Variants in IL18RAP observed in about 807,000 individuals in gnomAD.
IL18RAP encodes interleukin-18 receptor accessory protein.
Under a neutral mutation model 58.1 loss-of-function variants are expected in IL18RAP, and 37 were observed. The ratio of observed to expected loss-of-function variants is 0.64; its 90% CI spans 0.49 to 0.84. The LOEUF is 0.84. Ranked by LOEUF, IL18RAP falls within the 40% of genes least tolerant of loss-of-function variation. The probability of loss-of-function intolerance (pLI) is 0.00; values close to 1 mark genes in which losing one functional copy is unlikely to be tolerated. For missense variants in IL18RAP, 667 were observed against 704.8 expected, an observed-to-expected ratio of 0.95 and a Z score of 0.61; for synonymous variants, 268 against 257.5, an observed-to-expected ratio of 1.04 and a Z score of -0.39.
chr2:102,424,023 G>C lies in IL18RAP; in HGVS notation c.283G>C (p.Glu95Gln), dbSNP rs1182425718. ...ACAACCTTCGAATGGAGATCCATTA[G>C]AGGACATTAGGAAAAGCTATCCTCA... ...YQQPSNGDPL[E>Q]DIRKSYPHII... The change falls in exon 2 of 10, where the codon GAG becomes CAG. Residue 95 changes from glutamate (E) to glutamine (Q), a missense_variant. Glu to Gln is a conservative substitution (Grantham distance 29). Transcript: ENST00000687160. The C allele has an allele frequency of 1.2e-6, 2 of 1,613,974 alleles. No individual in the cohort carries two copies. The highest frequency in any genetic ancestry group is 2.2e-5 in the South Asian group (2 of 91,090).
upstream of IL18RAP, among the ~76,000 whole-genome samples, chr2:102,421,656 C>T (rs527532913): frequency 5.3e-5 from 8 of 152,274 alleles, no homozygotes; most frequent in East Asian, 1.4e-3. Flanking sequence ...AACACCTATC[C>T]GTGGCATTCT....
intron 3 of IL18RAP, among the ~76,000 whole-genome samples, chr2:102,430,719 A>G (rs1031121390): frequency 6.6e-6 from 1 of 152,034 alleles, no homozygotes; most frequent in African/African-American, 2.4e-5. Flanking sequence ...TGCCACTACT[A>G]CACGTTTTTG....
upstream of IL18RAP, among the ~76,000 whole-genome samples, chr2:102,420,901 A>AT (rs1681535075): frequency 6.6e-6 from 1 of 152,104 alleles, no homozygotes; most frequent in Non-Finnish European, 1.5e-5. Context: ...AGTGTTTATC[A>AT]TTTTTTCAGA....
intron 3 of IL18RAP, among the ~76,000 whole-genome samples, chr2:102,430,377 C>T (rs1286726385): frequency 1.3e-5 from 2 of 151,628 alleles, no homozygotes; most frequent in African/African-American, 4.8e-5. Context: ...TAGAGCTATC[C>T]CTGCTCTCTC....
At chr2:102,421,866 C>T (rs1262311611), upstream of IL18RAP, among the ~76,000 whole-genome samples, 2 of 152,152 alleles carry the variant, frequency 1.3e-5, no homozygotes, top group African/African-American at 2.4e-5. Flanking sequence ...CAAGATTAAT[C>T]TCCCCATGGT....
At chr2:102,441,891 GA>G (rs34195808) in intron 5 of IL18RAP, among the ~76,000 whole-genome samples, 78,432 of 149,864 alleles carry the variant, frequency 0.52, 21,337 homozygotes, top group African/African-American at 0.61. Flanking sequence ...CCATCTCAAA[GA>G]AAAAAAAAAA....
At position 102,452,381 on chromosome 2, in the gene IL18RAP, G is replaced by A. The variant is rs569047220; in HGVS notation, c.*200G>A. On this transcript the variant is annotated 3_prime_UTR_variant, in exon 10 of 10. Transcript: ENST00000687160. ...TGATTTCCTGGACTGGACTGACGGC[G>A]AGTGAATTCTCTAGACCTTGGGTAC... 1.7e-5 allele frequency: 9 copies of A among 526,270 alleles called. No individual in the cohort carries two copies. The highest frequency in any genetic ancestry group is 8.9e-5 in the East Asian group (3 of 33,752). The allele number at this position is 526,270 out of a possible 1,614,324, so 32.6% of individuals were successfully genotyped here. A position where few individuals can be genotyped will look rare whatever the true frequency, so the allele number is the denominator to read the frequency against.
chr2:102,441,075 G>A (rs551358380), intron 4 of IL18RAP, among the ~76,000 whole-genome samples: 2 of 152,174 alleles, frequency 1.3e-5, no homozygotes, highest in African/African-American at 4.8e-5. Context: ...CACACAAGCA[G>A]ATATGGATCA....
Position 102,452,126 on chromosome 2 carries a change from A to AAGGAC in IL18RAP, c.1746_1750dup (p.Leu584GlnfsTer49), listed in dbSNP as rs1255081418. 1 of 1,614,118 alleles carries AAGGAC rather than the reference A, an allele frequency of 6.2e-7. No individual in the cohort carries two copies. The highest frequency in any genetic ancestry group is 1.7e-5 in the Admixed American group (1 of 60,026). ...ATTACCTCTAGGATTTTTCAGTGGA[A>AAGGAC]AGGACTCAGTAGAACAGAAACCACT... On this transcript the variant is annotated frameshift_variant, in exon 10 of 10. Transcript: ENST00000687160. LOFTEE classifies it low-confidence loss of function (END_TRUNC).
At chr2:102,446,981 T>C (rs878907047) in intron 7 of IL18RAP, 89 bp from the exon 8 acceptor site, 5 of 1,340,704 alleles carry the variant, frequency 3.7e-6, no homozygotes, top group Middle Eastern at 2.6e-4. Context: ...CTGGAAAAGG[T>C]GCTGGGTGGG....
chr2:102,424,410 A>G lies in IL18RAP; in HGVS notation c.575A>G (p.Tyr192Cys). The G allele has an allele frequency of 6.2e-7, 1 of 1,613,346 alleles. No homozygotes were observed. The highest frequency in any genetic ancestry group is 8.5e-7 in the Non-Finnish European group (1 of 1,179,472). Residue 192 changes from tyrosine to cysteine, a missense_variant, in exon 3 of 10, where the codon TAC becomes TGC. Physicochemically the swap from Tyr to Cys is radical, Grantham distance 194 (BLOSUM62 -2). Transcript: ENST00000687160. ...SDAQSPAVTW[Y>C]KNGKLLSVER... The stretch of plus-strand genomic sequence containing the variant: ...GCACAAAGTCCAGCGGTAACCTGGT[A>G]CAAGGTAAGAGTGAATTCTCTAAAA...
In IL18RAP at chr2:102,448,947, C is replaced by T. The variant is rs187167342; in HGVS notation, c.1210+1740C>T. 5.8e-5 allele frequency among the ~76,000 whole-genome samples: 7 copies of T among 120,634 alleles called. No homozygotes were observed. In the Admixed American group the frequency reaches 7.2e-4, roughly 12 times the overall value. 79.1% of individuals were successfully genotyped at this position (120,634 alleles called of 152,430 possible). A position where few individuals can be genotyped will look rare whatever the true frequency, so the allele number is the denominator to read the frequency against. On this transcript the variant is annotated intron_variant, in intron 8 of 9. Transcript: ENST00000687160. Reference sequence around the variant, plus strand: ...CTGCACTCCAGCCTGGATGGCAGAGCGATACCCTATCTCAAAAAAAAAAAA... The same window carrying T: ...CTGCACTCCAGCCTGGATGGCAGAGTGATACCCTATCTCAAAAAAAAAAAA...
upstream of IL18RAP, chr2:102,418,955 C>T (rs1681408968): frequency 6.6e-6 from 1 of 152,108 alleles, no homozygotes; most frequent in African/African-American, 2.4e-5. Context: ...GAGAGCAGTA[C>T]TTCTTTTTTT....
At chr2:102,436,947 G>A (rs1253360720) in intron 3 of IL18RAP, among the ~76,000 whole-genome samples, 1 of 151,964 alleles carries the variant, frequency 6.6e-6, no homozygotes, top group African/African-American at 2.4e-5. Flanking sequence ...GAAGTCCTTT[G>A]TTAAATAGCT....
upstream of IL18RAP, among the ~76,000 whole-genome samples, chr2:102,421,144 C>A (rs760880786): frequency 3.3e-5 from 5 of 152,138 alleles, no homozygotes; most frequent in Non-Finnish European, 7.4e-5. Flanking sequence ...AAGACAAACT[C>A]AGTTCCTGCT....
At chr2:102,444,974 A>G (rs1683325148) in intron 6 of IL18RAP, among the ~76,000 whole-genome samples, 1 of 152,214 alleles carries the variant, frequency 6.6e-6, no homozygotes, top group African/African-American at 2.4e-5. Flanking sequence ...GAGTCTCACA[A>G]ATAAATAATG....
At chr2:102,436,040 A>C (rs1682713243) in intron 3 of IL18RAP, among the ~76,000 whole-genome samples, 1 of 152,144 alleles carries the variant, frequency 6.6e-6, no homozygotes, top group Non-Finnish European at 1.5e-5. Flanking sequence ...GTATTATTAG[A>C]ATGGGTTTCC....
chr2:102,424,770 G>A (rs1681827480), intron 3 of IL18RAP, among the ~76,000 whole-genome samples: 1 of 152,166 alleles, frequency 6.6e-6, no homozygotes, highest in South Asian at 2.1e-4. Context: ...AAAGGGGAAG[G>A]GAGGACTCAA....
Position 102,447,230 on chromosome 2 carries a change from C to A in IL18RAP, c.1210+23C>A, listed in dbSNP as rs762421101. On this transcript the variant is annotated intron_variant, in intron 8 of 9. Transcript: ENST00000687160. ...GGGGTAAGTTTACCTCCACATGCAG[C>A]CCTCTGACTTTTCCTCTGGGAATTG... The A allele has an allele frequency of 1.6e-5, 25 of 1,605,640 alleles. No homozygotes were observed. In the Middle Eastern group the frequency reaches 8.3e-4, roughly 53 times the overall value.
Sources: gnomAD v4.1 joint callset for allele counts (sites outside exome capture counted in the v4.1 genomes callset) on GRCh38, gnomAD v4.1.1 for gene constraint, MANE v1.5 for transcripts, NCBI Gene and HGNC (gene_info 2026-07-23, HGNC 2026-07-21) for gene names.